RERG: variants seen among roughly 807,000 people sequenced by gnomAD.
The protein encoded by RERG is ras-related and estrogen-regulated growth inhibitor.
RERG carries 25 observed loss-of-function variants against 23.2 expected under a neutral mutation model. The ratio of observed to expected loss-of-function variants is 1.08; its 90% CI spans 0.79 to 1.50. RERG has a LOEUF of 1.50. Ranked by LOEUF, RERG falls within the 40% of genes most tolerant of loss-of-function variation. The pLI is 0.00. For missense variants in RERG, 253 were observed against 250.1 expected (o/e 1.01, Z -0.08); for synonymous variants, 81 against 89.1 (o/e 0.91, Z 0.51).
intron 2 of RERG, among the ~76,000 whole-genome samples, chr12:15,189,179 CAT>C (rs1223390660): frequency 2.6e-5 from 4 of 152,184 alleles, no homozygotes; most frequent in African/African-American, 4.8e-5. Flanking sequence ...AAATGTGTCA[CAT>C]GTCATTTCTT....
intron 3 of RERG, 93 bp from the exon 4 acceptor site, chr12:15,111,510 T>G: frequency 1.0e-6 from 1 of 962,956 alleles, no homozygotes; most frequent in Non-Finnish European, 1.6e-6. Context: ...GGGAGAAGTA[T>G]TCCTGATTTT....
In RERG at chr12:15,110,476, T is replaced by C. The variant is rs1250424726; in HGVS notation, c.192+868A>G. 1.3e-4 allele frequency among the ~76,000 whole-genome samples: 16 copies of C among 125,010 alleles called. No individual in the cohort carries two copies. In the East Asian group the frequency reaches 1.8e-3, roughly 14 times the overall value. 82.0% of individuals were successfully genotyped at this position (125,010 alleles called of 152,430 possible). A position where few individuals can be genotyped will look rare whatever the true frequency, so the allele number is the denominator to read the frequency against. ...GGCCATTTTTTTCTTTTTTTTTTTT[T>C]TTTTTTTTTTTTTTTTTACTGAGAC... On this transcript the variant is annotated intron_variant, in intron 4 of 4. Transcript: ENST00000256953.
intron 2 of RERG, among the ~76,000 whole-genome samples, chr12:15,151,013 GA>G (rs1864432298): frequency 6.6e-6 from 1 of 152,140 alleles, no homozygotes; most frequent in South Asian, 2.1e-4. Flanking sequence ...TATAAATACA[GA>G]AAACAGCTTG....
chr12:15,127,656 C>T (rs1406021239), intron 2 of RERG, among the ~76,000 whole-genome samples: 1 of 152,062 alleles, frequency 6.6e-6, no homozygotes, highest in Non-Finnish European at 1.5e-5. Flanking sequence ...GAAGACTCTA[C>T]CCTAGATTTG....
chr12:15,133,146 GATATATATATATATATAT>G (rs376565973), intron 2 of RERG, among the ~76,000 whole-genome samples: 1,863 of 125,220 alleles, frequency 0.015, 79 homozygotes, highest in African/African-American at 0.057. Context: ...ATCCTGTGGA[GATATATATATATATATAT>G]ATATATATAT....
chr12:15,187,315 C>T (rs34608595), intron 2 of RERG, among the ~76,000 whole-genome samples: 1,572 of 152,148 alleles, frequency 0.01, 19 homozygotes, highest in Non-Finnish European at 0.016. Context: ...CAGTACTTAG[C>T]ACATCCAAAG....
intron 2 of RERG, among the ~76,000 whole-genome samples, chr12:15,192,855 T>C (rs1380555696): frequency 6.6e-6 from 1 of 152,164 alleles, no homozygotes; most frequent in African/African-American, 2.4e-5. Flanking sequence ...TGTTAACCCA[T>C]AATGAGGATA....
chr12:15,129,856 G>A (rs189167853), intron 2 of RERG, among the ~76,000 whole-genome samples: 1 of 152,228 alleles, frequency 6.6e-6, no homozygotes, highest in Non-Finnish European at 1.5e-5. Flanking sequence ...GGGGTTCTGG[G>A]TAGGAGAATG....
At chr12:15,152,577 C>T (rs954788212) in intron 2 of RERG, among the ~76,000 whole-genome samples, 1 of 152,142 alleles carries the variant, frequency 6.6e-6, no homozygotes, top group African/African-American at 2.4e-5. Context: ...ACACAGAACA[C>T]ATCAGGTTTT....
chr12:15,130,430 A>T (rs1297900052), intron 2 of RERG, among the ~76,000 whole-genome samples: 2 of 152,238 alleles, frequency 1.3e-5, no homozygotes, highest in East Asian at 1.9e-4. Flanking sequence ...AAACTAAAAA[A>T]GTTAACAGAT....
At chr12:15,218,252 TATG>T (rs1231013582) in intron 1 of RERG, among the ~76,000 whole-genome samples, 1 of 152,230 alleles carries the variant, frequency 6.6e-6, no homozygotes, top group Non-Finnish European at 1.5e-5. Flanking sequence ...ATTCCTTTTC[TATG>T]ATGACTTCAA....
At position 15,148,887 on chromosome 12, in the gene RERG, T is replaced by TTTTTTTTTTTTTTTTTTTG. The variant is rs1156302513; in HGVS notation, c.62-27769_62-27768insCAAAAAAAAAAAAAAAAAA. ...TTTTTTTTTTTTTTTTTTTTTTTTT[T>TTTTTTTTTTTTTTTTTTTG]AGACAGAGTCTAGCTCTGTCACCCA... On this transcript the variant is annotated intron_variant, in intron 2 of 4. Coordinates refer to ENST00000256953, the MANE Select transcript of RERG (RefSeq NM_032918.3). 7.2e-5 allele frequency among the ~76,000 whole-genome samples: 5 copies of TTTTTTTTTTTTTTTTTTTG among 69,474 alleles called. 2 individuals are homozygous for TTTTTTTTTTTTTTTTTTTG. Among genetic ancestry groups the TTTTTTTTTTTTTTTTTTTG allele is most frequent in the East Asian group, 8.8e-4 (2 of 2,276 alleles). The allele number at this position is 69,474 out of a possible 152,430, so 45.6% of individuals were successfully genotyped here.
rs74748352 is a variant in RERG at position 15,120,254 on chromosome 12, G to A, written c.118+809C>T. Among the ~76,000 whole-genome samples the A allele has an allele frequency of 7.0e-4, 107 of 151,884 alleles. No homozygotes were observed. The East Asian group carries it at 0.017, about 24-fold the overall frequency. ...ATTGTTTTCCTTCACAGAACTTATC[G>A]CTATCTCACATATATTTGCTTGTTT... is the stretch of plus-strand genomic sequence containing the variant. On this transcript the variant is annotated intron_variant, in intron 3 of 4. Coordinates refer to ENST00000256953, the MANE Select transcript of RERG (RefSeq NM_032918.3).
chr12:15,196,840 C>T (rs1281009798), intron 2 of RERG, among the ~76,000 whole-genome samples: 4 of 151,998 alleles, frequency 2.6e-5, no homozygotes, highest in Admixed American at 2.6e-4. Context: ...TTGTGCAATC[C>T]TTCTTGACTG....
At chr12:15,195,072 T>C (rs1053119140) in intron 2 of RERG, among the ~76,000 whole-genome samples, 7 of 152,162 alleles carry the variant, frequency 4.6e-5, no homozygotes, top group Admixed American at 1.3e-4. Flanking sequence ...AGAGAGCTTG[T>C]CAAATTAATG....
At chr12:15,220,836 G>C (rs542130472) in intron 1 of RERG, among the ~76,000 whole-genome samples, 1 of 152,226 alleles carries the variant, frequency 6.6e-6, no homozygotes, top group Admixed American at 6.5e-5. Flanking sequence ...TCACTACGCA[G>C]TACCCACAGC....
intron 2 of RERG, among the ~76,000 whole-genome samples, chr12:15,130,053 T>G (rs1864018066): frequency 6.6e-6 from 1 of 152,196 alleles, no homozygotes; most frequent in Non-Finnish European, 1.5e-5. Flanking sequence ...ATGTTGAACA[T>G]AAGACATTAA....
intron 3 of RERG, among the ~76,000 whole-genome samples, chr12:15,119,102 A>G (rs1306041670): frequency 6.6e-6 from 1 of 152,162 alleles, no homozygotes; most frequent in Non-Finnish European, 1.5e-5. Flanking sequence ...GAGAGAATTA[A>G]TGAAGCCCTC....
chr12:15,109,363 AC>A lies in RERG; in HGVS notation c.346del (p.Val116LeufsTer89). The A allele has an allele frequency of 6.2e-7, 1 of 1,613,532 alleles. No homozygotes were observed. The highest frequency in any genetic ancestry group is 8.5e-7 in the Non-Finnish European group (1 of 1,179,908). ...KKPKNVTLIL[V>X]GNKADLDHSR... Reference sequence around the variant, plus strand: ...GTGGTCCAAGTCAGCTTTGTTTCCAACCAAGATGAGAGTCACATTCTTGGGC... The same window carrying A: ...GTGGTCCAAGTCAGCTTTGTTTCCAACAAGATGAGAGTCACATTCTTGGGC... On this transcript the variant is annotated frameshift_variant, in exon 5 of 5. Transcript: ENST00000256953. LOFTEE classifies it high-confidence loss of function.
Sources: allele counts gnomAD v4.1 joint callset (sites outside exome capture counted in the v4.1 genomes callset), GRCh38; gene constraint gnomAD v4.1.1; transcripts MANE v1.5; gene names NCBI Gene and HGNC (gene_info 2026-07-23, HGNC 2026-07-21).